The following PARD3B variants were observed in gnomAD, a reference collection of about 807,000 sequenced individuals.
PARD3B encodes the protein partitioning defective 3 homolog B.
A neutral mutation model predicts 130.2 loss-of-function variants in PARD3B; 103 were observed. That is an observed-to-expected ratio of 0.79 (90% CI 0.67 to 0.93). The LOEUF (loss-of-function observed/expected upper bound fraction) is 0.93, where lower values mean the gene tolerates loss of function less well. Among genes scored for constraint, PARD3B ranks in the 40% least tolerant of loss-of-function variants. The pLI is 0.00. For missense variants in PARD3B, 1,609 were observed against 1,499.2 expected, an observed-to-expected ratio of 1.07 and a Z score of -1.21; for synonymous variants, 583 against 553.2, an observed-to-expected ratio of 1.05 and a Z score of -0.76.
chr2:204,604,230 C>G (rs2033622930), intron 1 of PARD3B, among the ~76,000 whole-genome samples: 1 of 152,014 alleles, frequency 6.6e-6, no homozygotes. Context: ...CTTTTCCTCA[C>G]CACTGAGAAT....
At chr2:205,198,951 T>G (rs1424452485) in intron 15 of PARD3B, among the ~76,000 whole-genome samples, 1 of 152,088 alleles carries the variant, frequency 6.6e-6, no homozygotes, top group Non-Finnish European at 1.5e-5. Context: ...AATTGGATAT[T>G]ACTGTTTGGG....
chr2:204,966,355 C>T (rs558055868), intron 3 of PARD3B, among the ~76,000 whole-genome samples: 26 of 152,216 alleles, frequency 1.7e-4, no homozygotes, highest in African/African-American at 4.1e-4. Context: ...CTTTTGGAAC[C>T]GAGCTAGTGA....
rs113009851 is a variant in PARD3B, at chr2:205,266,864, A to G, written c.2185+21042A>G. Among the ~76,000 whole-genome samples the G allele has an allele frequency of 4.5e-3, 681 of 152,268 alleles. 2 individuals are homozygous for G. The highest frequency in any genetic ancestry group is 7.3e-3 in the Non-Finnish European group (495 of 68,006). Reference sequence around the variant, plus strand: ...GTTTTCAGACTCAGGTTGAGGGAATATAAGTGATTTTCAATAAGATATGCC... The same window carrying G: ...GTTTTCAGACTCAGGTTGAGGGAATGTAAGTGATTTTCAATAAGATATGCC... On this transcript the variant is annotated intron_variant, in intron 16 of 22. Coordinates refer to ENST00000406610, the MANE Select transcript of PARD3B (RefSeq NM_001302769.2).
intron 13 of PARD3B, 74 bp from the exon 14 acceptor site, chr2:205,185,690 G>C (rs2036057270): frequency 2.4e-6 from 3 of 1,252,676 alleles, no homozygotes; most frequent in South Asian, 1.2e-5. Flanking sequence ...GTCTGAGAGA[G>C]ATACTGAAAC....
rs1559274768 is a variant in PARD3B, at chr2:205,615,583, A to T, written c.3388A>T (p.Thr1130Ser). The change falls in exon 23 of 23, where the codon ACA (threonine) becomes TCA (serine). Residue 1130 changes from threonine to serine, a missense_variant. Thr to Ser is a moderately conservative substitution (Grantham distance 58). Transcript: ENST00000406610. ...HPPKGSYPRP[T>S]ELRVADLRYP... ...TCCCAAAGGGAGCTATCCCCGCCCCACAGAGCTCAGGGTGGCAGATCTCCG... is the reference window on the plus strand; with the variant it reads ...TCCCAAAGGGAGCTATCCCCGCCCCTCAGAGCTCAGGGTGGCAGATCTCCG... 6.2e-7 allele frequency: 1 copy of T among 1,614,020 alleles called. No homozygotes were observed. Among genetic ancestry groups the T allele is most frequent in the South Asian group, 1.1e-5 (1 of 91,064 alleles).
intron 16 of PARD3B, among the ~76,000 whole-genome samples, chr2:205,252,543 G>A (rs1470195572): frequency 6.6e-6 from 1 of 152,068 alleles, no homozygotes; most frequent in Non-Finnish European, 1.5e-5. Flanking sequence ...ATAGAAACTG[G>A]CGATACAGAA....
intron 2 of PARD3B, among the ~76,000 whole-genome samples, chr2:204,725,825 A>G (rs1574824152): frequency 1.3e-5 from 2 of 152,340 alleles, no homozygotes; most frequent in East Asian, 3.9e-4. Flanking sequence ...ATGGGAGGTA[A>G]CAGTAAATGT....
At chr2:205,009,313 TGAGTA>T (rs1004534406) in intron 3 of PARD3B, among the ~76,000 whole-genome samples, 3 of 152,188 alleles carry the variant, frequency 2.0e-5, no homozygotes, top group African/African-American at 4.8e-5. Flanking sequence ...TAGAGTATAT[TGAGTA>T]GAGAAAAACA....
At chr2:205,215,229 A>G (rs1166660721) in intron 15 of PARD3B, among the ~76,000 whole-genome samples, 2 of 151,982 alleles carry the variant, frequency 1.3e-5, no homozygotes, top group Non-Finnish European at 2.9e-5. Flanking sequence ...TGGATAATAT[A>G]TGTAAAACCA....
At chr2:204,631,148 C>G (rs1394575863) in intron 1 of PARD3B, among the ~76,000 whole-genome samples, 3 of 152,006 alleles carry the variant, frequency 2.0e-5, no homozygotes, top group Non-Finnish European at 4.4e-5. Context: ...TCTGGTACAG[C>G]TATCTTTTTC....
intron 2 of PARD3B, among the ~76,000 whole-genome samples, chr2:204,749,368 T>C (rs1462872011): frequency 1.3e-5 from 2 of 152,170 alleles, no homozygotes; most frequent in Non-Finnish European, 2.9e-5. Flanking sequence ...TCTTTTTATA[T>C]AGTGTTGATC....
chr2:204,824,109 G>A (rs976073456), intron 2 of PARD3B, among the ~76,000 whole-genome samples: 2 of 152,122 alleles, frequency 1.3e-5, no homozygotes, highest in African/African-American at 4.8e-5. Context: ...ACAGTGCAAG[G>A]TTTCAAGGCA....
At chr2:204,684,277 T>C (rs2036974061) in intron 1 of PARD3B, among the ~76,000 whole-genome samples, 1 of 152,120 alleles carries the variant, frequency 6.6e-6, no homozygotes, top group Non-Finnish European at 1.5e-5. Context: ...ACAAATATAC[T>C]ATAAAGAAAA....
chr2:205,502,200 A>G (rs973818084), intron 21 of PARD3B, among the ~76,000 whole-genome samples: 1 of 152,142 alleles, frequency 6.6e-6, no homozygotes, highest in African/African-American at 2.4e-5. Flanking sequence ...GAGAAATTAC[A>G]CTGTTGTCTT....
chr2:205,493,802 G>T (rs1204635072), intron 20 of PARD3B, among the ~76,000 whole-genome samples: 1 of 151,648 alleles, frequency 6.6e-6, no homozygotes, highest in East Asian at 1.9e-4. Flanking sequence ...CTGTTGCCCA[G>T]CCTGGAGTAC....
At chr2:205,481,338 G>C (rs544912817) in intron 20 of PARD3B, among the ~76,000 whole-genome samples, 68 of 152,250 alleles carry the variant, frequency 4.5e-4, no homozygotes, top group African/African-American at 1.4e-3. Context: ...AAAGCAGGAG[G>C]CTGGGGTGGT....
At chr2:205,442,971 A>T (rs1044943858) in intron 20 of PARD3B, among the ~76,000 whole-genome samples, 1 of 152,156 alleles carries the variant, frequency 6.6e-6, no homozygotes, top group Admixed American at 6.5e-5. Context: ...CTATTTTTGG[A>T]TAGCAGATCA....
intron 16 of PARD3B, among the ~76,000 whole-genome samples, chr2:205,290,985 T>C (rs1395572451): frequency 6.6e-6 from 1 of 152,156 alleles, no homozygotes; most frequent in Non-Finnish European, 1.5e-5. Context: ...AGTGGAGAAA[T>C]ACATTTCTGT....
chr2:205,288,949 G>A lies in PARD3B; in HGVS notation c.2186-11581G>A, dbSNP rs2041502074. Among the ~76,000 whole-genome samples the A allele has an allele frequency of 1.3e-5, 2 of 152,260 alleles. No individual in the cohort carries two copies. Among genetic ancestry groups the A allele is most frequent in the South Asian group, 4.2e-4 (2 of 4,818 alleles). ...TGGTACGTGGTTTGCAGAGATACCT[G>A]CTGGCCAGTGATCCCAAAAGTCCAT... On this transcript the variant is annotated intron_variant, in intron 16 of 22. Coordinates refer to ENST00000406610, the MANE Select transcript of PARD3B (RefSeq NM_001302769.2). The surrounding 1 kb of genome is among the most constrained non-coding windows in gnomAD (Gnocchi z 4.0).
Sources: allele counts gnomAD v4.1 joint callset (sites outside exome capture counted in the v4.1 genomes callset), GRCh38; gene constraint gnomAD v4.1.1; non-coding constraint Gnocchi (gnomAD v3.1); transcripts MANE v1.5; gene names NCBI Gene and HGNC (gene_info 2026-07-23, HGNC 2026-07-21).